The following MLIP variants were observed in gnomAD, a reference collection of about 807,000 sequenced individuals.
The protein encoded by MLIP is muscular LMNA-interacting protein.
In MLIP, 79 loss-of-function variants were observed where a neutral mutation model predicts 84.8. The ratio of observed to expected loss-of-function variants is 0.93; its 90% CI spans 0.78 to 1.12. The LOEUF is 1.12. Ranked by LOEUF, MLIP falls within the 50% of genes most tolerant of loss-of-function variation. MLIP has a pLI of 0.00. For missense variants in MLIP, 1,257 were observed against 1,160.6 expected, an observed-to-expected ratio of 1.08 and a Z score of -1.21; for synonymous variants, 504 against 463.0, an observed-to-expected ratio of 1.09 and a Z score of -1.14.
At chr6:54,181,309 G>A (rs1376120165) in intron 9 of MLIP, among the ~76,000 whole-genome samples, 1 of 152,142 alleles carries the variant, frequency 6.6e-6, no homozygotes, top group African/African-American at 2.4e-5. Flanking sequence ...ACATGGGCTG[G>A]GGCGGTGGTC....
intron 10 of MLIP, among the ~76,000 whole-genome samples, chr6:54,199,757 A>G (rs1401213806): frequency 6.6e-6 from 1 of 152,198 alleles, no homozygotes; most frequent in Non-Finnish European, 1.5e-5. Context: ...GTTGGCTTCC[A>G]TATCTATGAA....
At chr6:54,025,231 C>G (rs1763732602) in intron 1 of MLIP, among the ~76,000 whole-genome samples, 1 of 152,124 alleles carries the variant, frequency 6.6e-6, no homozygotes, top group South Asian at 2.1e-4. Flanking sequence ...TCATTGGTAA[C>G]AGGCACTCAC....
Position 54,266,043 on chromosome 6 carries a change from T to TTTC in MLIP, c.*89_*91dup. ...TTGCTAGATTTAACTTTTTTTTTTT[T>TTTC]TTCCAGAATGAGTGCTCCCTTTATG... On this transcript the variant is annotated 3_prime_UTR_variant, in exon 14 of 14. Coordinates refer to ENST00000502396, the MANE Select transcript of MLIP (RefSeq NM_001281747.2). The TTTC allele has an allele frequency of 1.4e-6, 2 of 1,406,582 alleles. No homozygotes were observed. The highest frequency in any genetic ancestry group is 2.0e-6 in the Non-Finnish European group (2 of 1,009,964). The allele number at this position is 1,406,582 out of a possible 1,614,324, so 87.1% of individuals were successfully genotyped here. A position where few individuals can be genotyped will look rare whatever the true frequency, so the allele number is the denominator to read the frequency against.
At chr6:54,101,095 T>C (rs1415413212) in intron 1 of MLIP, among the ~76,000 whole-genome samples, 2 of 152,162 alleles carry the variant, frequency 1.3e-5, no homozygotes, top group Non-Finnish European at 2.9e-5. Flanking sequence ...TTGCCACTGA[T>C]TGTCATGTAA....
chr6:54,105,117 G>A (rs1186953060), intron 1 of MLIP, among the ~76,000 whole-genome samples: 1 of 152,114 alleles, frequency 6.6e-6, no homozygotes, highest in Non-Finnish European at 1.5e-5. Context: ...GCTATTTGGT[G>A]GAAAATCAGG....
intron 1 of MLIP, among the ~76,000 whole-genome samples, chr6:54,033,745 A>G (rs1222059425): frequency 6.6e-6 from 1 of 152,114 alleles, no homozygotes; most frequent in Non-Finnish European, 1.5e-5. Flanking sequence ...CTCAGAGGAA[A>G]TACATACTTT....
At chr6:54,086,621 G>T (rs1446833618) in intron 1 of MLIP, among the ~76,000 whole-genome samples, 2 of 152,084 alleles carry the variant, frequency 1.3e-5, no homozygotes, top group African/African-American at 2.4e-5. Flanking sequence ...CGTTATAGTG[G>T]CTGACAAGGC....
intron 1 of MLIP, among the ~76,000 whole-genome samples, chr6:54,095,740 G>A (rs530043011): frequency 5.3e-5 from 8 of 152,304 alleles, no homozygotes; most frequent in African/African-American, 1.9e-4. Context: ...TGAGAGAAGA[G>A]TAAAAACAAC....
intron 1 of MLIP, among the ~76,000 whole-genome samples, chr6:54,119,659 GTAT>G: frequency 6.6e-6 from 1 of 152,202 alleles, no homozygotes; most frequent in Admixed American, 6.5e-5. Flanking sequence ...ACAATATATT[GTAT>G]TCTTGAAAAA....
chr6:54,164,004 C>A (rs866383500), intron 8 of MLIP, among the ~76,000 whole-genome samples: 3 of 151,892 alleles, frequency 2.0e-5, no homozygotes, highest in Non-Finnish European at 2.9e-5. Context: ...AACATACTTA[C>A]GAAGTATTTT....
intron 4 of MLIP, among the ~76,000 whole-genome samples, chr6:54,140,400 T>A (rs1248858709): frequency 6.6e-6 from 1 of 152,196 alleles, no homozygotes; most frequent in Non-Finnish European, 1.5e-5. Context: ...CAGCATTTGC[T>A]TTTTACTTTT....
intron 1 of MLIP, among the ~76,000 whole-genome samples, chr6:54,086,311 G>A (rs947738489): frequency 6.6e-6 from 1 of 152,110 alleles, no homozygotes; most frequent in Non-Finnish European, 1.5e-5. Context: ...TTACTTGAAT[G>A]TCTAAAAGAC....
chr6:54,063,182 A>G (rs1368954343), intron 1 of MLIP: 2 of 151,824 alleles, frequency 1.3e-5, no homozygotes, highest in Non-Finnish European at 2.9e-5. Flanking sequence ...AGCCTGGACA[A>G]CAAGAACAAA....
At chr6:54,094,114 T>C (rs1417731435) in intron 1 of MLIP, among the ~76,000 whole-genome samples, 40 of 152,142 alleles carry the variant, frequency 2.6e-4, no homozygotes, top group Non-Finnish European at 7.4e-5. Flanking sequence ...ATGATAATGA[T>C]GATGGCAATA....
chr6:54,261,505 T>C (rs1234592161), intron 13 of MLIP: 1 of 872,438 alleles, frequency 1.1e-6, no homozygotes, highest in Non-Finnish European at 1.4e-6. Flanking sequence ...TCTTATTCCT[T>C]CTCTTTGCAG....
At chr6:54,186,283 A>T (rs1210803697) in intron 9 of MLIP, among the ~76,000 whole-genome samples, 1 of 152,202 alleles carries the variant, frequency 6.6e-6, no homozygotes, top group Non-Finnish European at 1.5e-5. Flanking sequence ...TTAGGAACAT[A>T]ACTTATTGTA....
At chr6:54,218,632 G>A (rs755735201) in intron 11 of MLIP, among the ~76,000 whole-genome samples, 4 of 152,056 alleles carry the variant, frequency 2.6e-5, no homozygotes, top group Non-Finnish European at 5.9e-5. Context: ...CGATTCTCCT[G>A]TGTCAGCCTC....
chr6:54,086,435 T>G (rs2150364350), intron 1 of MLIP, among the ~76,000 whole-genome samples: 1 of 152,290 alleles, frequency 6.6e-6, no homozygotes. Flanking sequence ...TTGACTGAAA[T>G]TTGGAATCAG....
At chr6:54,226,721 CAGAT>C (rs201364995) in intron 11 of MLIP, among the ~76,000 whole-genome samples, 4 of 151,116 alleles carry the variant, frequency 2.6e-5, no homozygotes, top group Admixed American at 2.6e-4. Context: ...AATATTTTTA[CAGAT>C]AGATAAGATA....
Sources: gnomAD v4.1 joint callset for allele counts (sites outside exome capture counted in the v4.1 genomes callset) on GRCh38, gnomAD v4.1.1 for gene constraint, MANE v1.5 for transcripts, NCBI Gene and HGNC (gene_info 2026-07-23, HGNC 2026-07-21) for gene names.